The following ATP8B4 variants were observed in gnomAD, a reference collection of about 807,000 sequenced individuals.
ATP8B4 encodes the protein probable phospholipid-transporting ATPase IM.
Under a neutral mutation model 145.6 loss-of-function variants are expected in ATP8B4, and 133 were observed. The observed-to-expected ratio is 0.91, with a 90% CI of 0.79 to 1.05. The LOEUF is 1.05. ATP8B4 is among the 50% of genes least tolerant of loss of function. ATP8B4 has a pLI of 0.00. For missense variants in ATP8B4, 1,458 were observed against 1,425.2 expected (o/e 1.02, Z -0.37); for synonymous variants, 507 against 492.9 (o/e 1.03, Z -0.38).
chr15:50,171,916 T>C (rs2044680139), intron 1 of ATP8B4, among the ~76,000 whole-genome samples: 1 of 151,846 alleles, frequency 6.6e-6, no homozygotes, highest in South Asian at 2.1e-4. Context: ...ATGCAAAAGG[T>C]CATTCAAGGC....
chr15:50,138,809 C>G (rs146939201), intron 1 of ATP8B4, among the ~76,000 whole-genome samples: 2,072 of 152,316 alleles, frequency 0.014, 12 homozygotes, highest in Middle Eastern at 0.02. Context: ...TTCTCCTAGT[C>G]TTACACCTTC....
At chr15:50,067,755 C>T (rs940123184) in intron 3 of ATP8B4, among the ~76,000 whole-genome samples, 13 of 152,124 alleles carry the variant, frequency 8.5e-5, no homozygotes, top group African/African-American at 3.1e-4. Context: ...CGTCCTGTAG[C>T]ATGCACTTTG....
At chr15:49,993,968 A>G (rs968529436) in intron 9 of ATP8B4, among the ~76,000 whole-genome samples, 6 of 152,166 alleles carry the variant, frequency 3.9e-5, no homozygotes, top group African/African-American at 1.4e-4. Flanking sequence ...TTCAAGTCAT[A>G]TCTAGTAAGT....
intron 6 of ATP8B4, among the ~76,000 whole-genome samples, chr15:50,018,375 T>G (rs1443856033): frequency 6.6e-6 from 1 of 152,192 alleles, no homozygotes; most frequent in Non-Finnish European, 1.5e-5. Flanking sequence ...GTGTACAAAA[T>G]GACCCCTCTA....
intron 1 of ATP8B4, among the ~76,000 whole-genome samples, chr15:50,138,313 G>C (rs568987575): frequency 7.5e-6 from 1 of 132,638 alleles, no homozygotes; most frequent in South Asian, 2.6e-4. Context: ...TACATATATA[G>C]ATAGATAGAT....
Position 50,172,376 on chromosome 15 carries a change from G to A in ATP8B4, c.-43+9885C>T, listed in dbSNP as rs1044078878. Among the ~76,000 whole-genome samples the A allele has an allele frequency of 7.2e-5, 11 of 152,368 alleles. No homozygotes were observed. The East Asian group carries it at 1.5e-3, about 21-fold the overall frequency. On this transcript the variant is annotated intron_variant, in intron 1 of 3. Transcript: ENST00000558829. ...CCGGGCTGGTCTCCAGCTCCTGACC[G>A]CGAGTGATCTGCCAGCCTCGGCCTC...
In ATP8B4 at chr15:49,999,217, A is replaced by G. The variant is rs2153558449; in HGVS notation, c.507-2458T>C. Among the ~76,000 whole-genome samples the G allele has an allele frequency of 2.0e-5, 3 of 152,212 alleles. 1 individual carries two copies. Among genetic ancestry groups the G allele is most frequent in the Middle Eastern group, 3.4e-3 (1 of 294 alleles). On this transcript the variant is annotated intron_variant, in intron 8 of 27. Coordinates refer to ENST00000284509, the MANE Select transcript of ATP8B4 (RefSeq NM_024837.4). ...TACTATGCAGCCAAAAAAAATGATG[A>G]GTTCATGTCCTTTGTAGGGACATGG...
intron 6 of ATP8B4, among the ~76,000 whole-genome samples, chr15:50,019,777 T>C (rs2049384547): frequency 6.6e-6 from 1 of 152,310 alleles, no homozygotes; most frequent in African/African-American, 2.4e-5. Context: ...CCCCTCTTTC[T>C]TCAAACCTTT....
Position 49,981,288 on chromosome 15 carries a change from T to C in ATP8B4, c.755A>G (p.Asp252Gly), listed in dbSNP as rs775000367. ...CFGMVIFAGP[D>G]TKLMQNSGKT... is the part of the protein sequence containing the mutation. The stretch of plus-strand genomic sequence containing the variant: ...ACCACTATTCTGCATTAGTTTAGTG[T>C]CAGGACCTGCAAAAACAAAAAAAAG... The change falls in exon 11 of 28, where the codon GAC (aspartate) becomes GGC (glycine). Residue 252 changes from aspartate (D) to glycine (G), a missense_variant. Physicochemically the swap from Asp to Gly is moderately conservative, Grantham distance 94. Coordinates refer to ENST00000284509, the MANE Select transcript of ATP8B4 (RefSeq NM_024837.4). The C allele has an allele frequency of 2.5e-6, 4 of 1,604,870 alleles. No homozygotes were observed. Among genetic ancestry groups the C allele is most frequent in the Non-Finnish European group, 3.4e-6 (4 of 1,176,878 alleles).
Position 49,979,750 on chromosome 15 carries a change from G to T in ATP8B4, c.901C>A (p.Gln301Lys), listed in dbSNP as rs937128876. 3.1e-6 allele frequency: 5 copies of T among 1,610,828 alleles called. No homozygotes were observed. In the South Asian group the frequency reaches 4.4e-5, roughly 14 times the overall value. Residue 301 changes from glutamine to lysine, a missense_variant, in exon 12 of 28, where the codon CAA becomes AAA. Physicochemically the swap from Gln to Lys is moderately conservative, Grantham distance 53. Coordinates refer to ENST00000284509, the MANE Select transcript of ATP8B4 (RefSeq NM_024837.4). ...LAIGNSIWES[Q>K]TGDQFRTFLF... Reference sequence around the variant, plus strand: ...AAAGTTCTGAATTGGTCCCCAGTTTGACTCTCCCAGATTGAATTTCCTATT... The same window carrying T: ...AAAGTTCTGAATTGGTCCCCAGTTTTACTCTCCCAGATTGAATTTCCTATT...
rs78574799 is a variant in ATP8B4, at chr15:49,996,999, C to A, written c.507-240G>T. 0.018 allele frequency among the ~76,000 whole-genome samples: 2,737 copies of A among 152,242 alleles called. 31 individuals carry two copies. The highest frequency in any genetic ancestry group is 0.029 in the Non-Finnish European group (1,945 of 68,004). Reference sequence around the variant, plus strand: ...TATAACAACACAATGATCTGTTTTGCAGTTTGAAAGAACAGAGGACATAAC... The same window carrying A: ...TATAACAACACAATGATCTGTTTTGAAGTTTGAAAGAACAGAGGACATAAC... On this transcript the variant is annotated intron_variant, in intron 8 of 27. Coordinates refer to ENST00000284509, the MANE Select transcript of ATP8B4 (RefSeq NM_024837.4).
At chr15:50,109,925 C>T (rs1025323707) in intron 1 of ATP8B4, among the ~76,000 whole-genome samples, 2 of 152,166 alleles carry the variant, frequency 1.3e-5, no homozygotes, top group African/African-American at 4.8e-5. Flanking sequence ...AGTTCCTAGA[C>T]ATTCAAACAT....
intron 20 of ATP8B4, among the ~76,000 whole-genome samples, chr15:49,907,736 A>G (rs957350804): frequency 2.0e-5 from 3 of 152,250 alleles, no homozygotes; most frequent in Admixed American, 6.5e-5. Context: ...TTTCCCACTC[A>G]GCCTAAGCAT....
Position 50,045,646 on chromosome 15 carries a change from T to C in ATP8B4, c.202-954A>G, listed in dbSNP as rs2051656100. Reference sequence around the variant, plus strand: ...AGCCTCTGATGTAGCAGTAAAAATGTTGAGCTTGGTGTCAGAAAAGCTAAA... The same window carrying C: ...AGCCTCTGATGTAGCAGTAAAAATGCTGAGCTTGGTGTCAGAAAAGCTAAA... On this transcript the variant is annotated intron_variant, in intron 4 of 27. Transcript: ENST00000284509. 5.3e-5 allele frequency among the ~76,000 whole-genome samples: 8 copies of C among 152,188 alleles called. No homozygotes were observed. In the South Asian group the frequency reaches 1.7e-3, roughly 31 times the overall value.
At chr15:50,175,703 T>C (rs1245433076) in intron 1 of ATP8B4, among the ~76,000 whole-genome samples, 3 of 152,142 alleles carry the variant, frequency 2.0e-5, no homozygotes, top group Non-Finnish European at 4.4e-5. Context: ...AAACCGTAGA[T>C]GTTGGCATGG....
intron 12 of ATP8B4, among the ~76,000 whole-genome samples, chr15:49,978,489 G>A (rs980760394): frequency 6.6e-6 from 1 of 152,078 alleles, no homozygotes; most frequent in Non-Finnish European, 1.5e-5. Flanking sequence ...TGGATTTTGT[G>A]CATTAAACTT....
chr15:50,044,057 C>A (rs7168249), intron 5 of ATP8B4, among the ~76,000 whole-genome samples: 49,087 of 151,564 alleles, frequency 0.32, 8,414 homozygotes, highest in East Asian at 0.62. Flanking sequence ...TTCTGGCCAA[C>A]AATAGGCTAT....
At position 49,862,323 on chromosome 15, in the gene ATP8B4, T is replaced by C; in HGVS notation, c.3219A>G (p.Leu1073=). Residue 1073 remains leucine, a synonymous_variant, in exon 27 of 28, where the codon TTA becomes TTG. Coordinates refer to ENST00000284509, the MANE Select transcript of ATP8B4 (RefSeq NM_024837.4). ...TQKCIWLVIL[L]TTVASVMPVV... is the part of the protein sequence containing the mutation. ...CTGGCATAACTGAAGCCACTGTTGT[T>C]AAGAGAATTACAAGCCAGATGCACT... The C allele has an allele frequency of 3.1e-6, 5 of 1,613,878 alleles. No individual in the cohort carries two copies. Among genetic ancestry groups the C allele is most frequent in the South Asian group, 2.2e-5 (2 of 91,070 alleles).
At chr15:50,176,470 C>T (rs1389099962) in intron 1 of ATP8B4, among the ~76,000 whole-genome samples, 1 of 152,046 alleles carries the variant, frequency 6.6e-6, no homozygotes, top group African/African-American at 2.4e-5. Flanking sequence ...CATTAAAGAA[C>T]TTGCTCATGT....
Sources: allele counts gnomAD v4.1 joint callset (sites outside exome capture counted in the v4.1 genomes callset), GRCh38; gene constraint gnomAD v4.1.1; transcripts MANE v1.5; gene names NCBI Gene and HGNC (gene_info 2026-07-23, HGNC 2026-07-21).